Variants in MYOCD observed in about 807,000 individuals in gnomAD.
The protein encoded by MYOCD is myocardin.
A neutral mutation model predicts 96.1 loss-of-function variants in MYOCD; 32 were observed. The ratio of observed to expected loss-of-function variants is 0.33; its 90% confidence interval spans 0.25 to 0.45. The LOEUF (loss-of-function observed/expected upper bound fraction) is 0.45. MYOCD is among the 20% of genes least tolerant of loss of function. MYOCD has a pLI of 1.00. For synonymous variants in MYOCD, 469 were observed against 469.0 expected, an observed-to-expected ratio of 1.00 and a Z score of 0.00; for missense variants, 1,133 against 1,200.6, an observed-to-expected ratio of 0.94 and a Z score of 0.83.
intron 1 of MYOCD, among the ~76,000 whole-genome samples, chr17:12,703,550 A>G (rs766636707): frequency 1.3e-5 from 2 of 152,032 alleles, no homozygotes; most frequent in Non-Finnish European, 2.9e-5. Context: ...TTTATCTCTG[A>G]CAATACTCTG....
intron 3 of MYOCD, among the ~76,000 whole-genome samples, chr17:12,715,805 A>T (rs914366876): frequency 6.6e-6 from 1 of 152,120 alleles, no homozygotes; most frequent in African/African-American, 2.4e-5. Context: ...AAATGTCCCC[A>T]ATTTTTCTAA....
intron 1 of MYOCD, among the ~76,000 whole-genome samples, chr17:12,683,080 C>T (rs2029889487): frequency 1.3e-5 from 2 of 152,176 alleles, no homozygotes; most frequent in South Asian, 4.1e-4. Context: ...GGCTACTCTT[C>T]TGGCCGTCTT....
chr17:12,714,766 C>G (rs1324394403), intron 2 of MYOCD, among the ~76,000 whole-genome samples: 1 of 152,154 alleles, frequency 6.6e-6, no homozygotes, highest in Non-Finnish European at 1.5e-5. Flanking sequence ...TTGTTCACGG[C>G]TGCTGTGTGT....
intron 10 of MYOCD, among the ~76,000 whole-genome samples, chr17:12,753,562 C>T (rs1489662093): frequency 6.6e-6 from 1 of 152,154 alleles, no homozygotes; most frequent in African/African-American, 2.4e-5. Context: ...CTGTAAAGGG[C>T]GAGATGGTAA....
At chr17:12,667,430 G>A (rs1424306813) in intron 1 of MYOCD, among the ~76,000 whole-genome samples, 1 of 152,172 alleles carries the variant, frequency 6.6e-6, no homozygotes, top group Non-Finnish European at 1.5e-5. Flanking sequence ...CCAGCCACTG[G>A]GGTCGGCAGT....
chr17:12,739,334 G>A lies in MYOCD; in HGVS notation c.717+6G>A. 6.4e-7 allele frequency: 1 copy of A among 1,558,394 alleles called. No homozygotes were observed. On this transcript the variant is annotated splice_donor_region_variant and intron_variant, in intron 7 of 13. Transcript: ENST00000425538. ...CCGTGCATGCTGCTGTAAAGGTACG[G>A]ACACATCAGCCTCCAAGCCCTGCCT...
At chr17:12,675,778 G>A (rs1241638754) in intron 1 of MYOCD, among the ~76,000 whole-genome samples, 1 of 152,204 alleles carries the variant, frequency 6.6e-6, no homozygotes. Flanking sequence ...AGAATCGCTT[G>A]AACCCAGGAG....
intron 1 of MYOCD, among the ~76,000 whole-genome samples, chr17:12,686,927 G>C (rs1262978821): frequency 6.6e-6 from 1 of 152,214 alleles, no homozygotes; most frequent in Non-Finnish European, 1.5e-5. Flanking sequence ...TTGGGAGAAA[G>C]AGCCATGTTG....
At chr17:12,720,087 C>A (rs988044817) in intron 4 of MYOCD, among the ~76,000 whole-genome samples, 5 of 151,958 alleles carry the variant, frequency 3.3e-5, no homozygotes, top group African/African-American at 1.2e-4. Flanking sequence ...TTCCTTGTCA[C>A]CACGTTTACC....
intron 1 of MYOCD, among the ~76,000 whole-genome samples, chr17:12,681,766 C>G (rs999086712): frequency 5.3e-5 from 8 of 152,174 alleles, no homozygotes; most frequent in African/African-American, 1.9e-4. Context: ...CCCAGCACCC[C>G]TCAGAGCTCA....
intron 5 of MYOCD, among the ~76,000 whole-genome samples, chr17:12,732,552 G>A (rs1456369443): frequency 1.3e-5 from 2 of 152,138 alleles, no homozygotes; most frequent in Non-Finnish European, 1.5e-5. Flanking sequence ...CCAGATACAA[G>A]GATCTCCTTT....
rs2150732573 is a variant in MYOCD at position 12,764,683 on chromosome 17, C to T, written c.*1039C>T. On this transcript the variant is annotated 3_prime_UTR_variant, in exon 14 of 14. Transcript: ENST00000425538. ...TTGTTATTATCAGTTTATCTTTCTC[C>T]CACTCCACTTTTCCTTCAAGGTACC... 6.6e-6 allele frequency: 1 copy of T among 152,268 alleles called. No homozygotes were observed. Among genetic ancestry groups the T allele is most frequent in the South Asian group, 2.1e-4 (1 of 4,820 alleles). The allele number at this position is 152,268 out of a possible 1,614,324, so 9.4% of individuals were successfully genotyped here. A position where few individuals can be genotyped will look rare whatever the true frequency, so the allele number is the denominator to read the frequency against.
At chr17:12,728,649 T>C (rs2032072641) in intron 5 of MYOCD, among the ~76,000 whole-genome samples, 1 of 152,126 alleles carries the variant, frequency 6.6e-6, no homozygotes, top group African/African-American at 2.4e-5. Context: ...CCAGCTAATT[T>C]TGTATTTTTA....
rs992837123 is a variant in MYOCD, at chr17:12,765,768, T to A, written c.*2124T>A. ...ACCCGATGACTCACAGCTACTTGCT[T>A]ATCGTGAACAAGCTCATCTTGGCAA... On this transcript the variant is annotated 3_prime_UTR_variant, in exon 14 of 14. Coordinates refer to ENST00000425538, the MANE Select transcript of MYOCD (RefSeq NM_001146312.3). 6.6e-6 allele frequency: 1 copy of A among 152,190 alleles called. No individual in the cohort carries two copies. The highest frequency in any genetic ancestry group is 2.4e-5 in the African/African-American group (1 of 41,438). 9.4% of individuals were successfully genotyped at this position (152,190 alleles called of 1,614,324 possible).
intron 2 of MYOCD, among the ~76,000 whole-genome samples, chr17:12,707,733 G>A (rs773317121): frequency 7.2e-5 from 11 of 151,898 alleles, no homozygotes; most frequent in African/African-American, 2.2e-4. Context: ...AAATAAATAA[G>A]TAAATAAAAA....
At chr17:12,745,808 G>A (rs974130601) in intron 8 of MYOCD, 111 bp from the exon 9 acceptor site, 3 of 1,138,612 alleles carry the variant, frequency 2.6e-6, no homozygotes, top group African/African-American at 3.1e-5. Context: ...TCTTCTGCTG[G>A]TTTATTACAT....
rs140354784 is a variant in MYOCD, at chr17:12,747,999, C to A, written c.1125+1927C>A. 3.5e-3 allele frequency among the ~76,000 whole-genome samples: 520 copies of A among 150,466 alleles called. 4 individuals are homozygous for A. Among genetic ancestry groups the A allele is most frequent in the African/African-American group, 0.012 (492 of 41,060 alleles). On this transcript the variant is annotated intron_variant, in intron 9 of 13. Coordinates refer to ENST00000425538, the MANE Select transcript of MYOCD (RefSeq NM_001146312.3). ...CCAACACGGTGAAACCCCATCTCTACGAAAAATATAAAAATTAGCTGGGCG... is the reference window on the plus strand; with the variant it reads ...CCAACACGGTGAAACCCCATCTCTAAGAAAAATATAAAAATTAGCTGGGCG...
chr17:12,671,138 GT>G (rs1294986993), intron 1 of MYOCD, among the ~76,000 whole-genome samples: 2 of 152,070 alleles, frequency 1.3e-5, no homozygotes, highest in East Asian at 3.9e-4. Flanking sequence ...GTTTATTCGT[GT>G]TTGGTTTTTA....
chr17:12,734,511 T>TTTTA (rs1168183445), intron 5 of MYOCD, among the ~76,000 whole-genome samples: 2 of 136,344 alleles, frequency 1.5e-5, no homozygotes, highest in Non-Finnish European at 3.2e-5. Context: ...ATCCTTTTTT[T>TTTTA]TTTTTTTTTT....
Sources: gnomAD v4.1 joint callset for allele counts (sites outside exome capture counted in the v4.1 genomes callset) on GRCh38, gnomAD v4.1.1 for gene constraint, MANE v1.5 for transcripts, NCBI Gene and HGNC (gene_info 2026-07-23, HGNC 2026-07-21) for gene names.